Variants in LYPLA1 observed in about 807,000 individuals in gnomAD.
LYPLA1 encodes the protein lysophospholipase 1.
In LYPLA1, 17 loss-of-function variants were observed where a neutral mutation model predicts 34.0. The observed-to-expected ratio is 0.50, with a 90% CI of 0.34 to 0.75. The LOEUF is 0.75. LYPLA1 is among the 30% of genes least tolerant of loss of function. LYPLA1 has a pLI of 0.01. For synonymous variants in LYPLA1, 98 were observed against 100.8 expected, an observed-to-expected ratio of 0.97 and a Z score of 0.17; for missense variants, 203 against 288.8, an observed-to-expected ratio of 0.70 and a Z score of 2.15.
chr8:54,095,596 C>T (rs547592755), intron 2 of LYPLA1, among the ~76,000 whole-genome samples: 15 of 152,226 alleles, frequency 9.9e-5, no homozygotes, highest in African/African-American at 3.4e-4. Flanking sequence ...TAAAACACAT[C>T]AGTAACAACA....
intron 3 of LYPLA1, among the ~76,000 whole-genome samples, chr8:54,064,415 T>G (rs918189348): frequency 6.6e-6 from 1 of 151,222 alleles, no homozygotes; most frequent in African/African-American, 2.4e-5. Context: ...AGACTCCATC[T>G]CAAAAAAAAA....
At chr8:54,043,750 G>A (rs199543637), downstream of LYPLA1, among the ~76,000 whole-genome samples, 128 of 151,822 alleles carry the variant, frequency 8.4e-4, no homozygotes, top group Non-Finnish European at 1.5e-3. Flanking sequence ...TGGTAGAGAC[G>A]GGGTTTCACC....
chr8:54,091,193 A>G lies in LYPLA1; in HGVS notation c.101+9715T>C, dbSNP rs182062359. 7.7e-4 allele frequency among the ~76,000 whole-genome samples: 117 copies of G among 152,244 alleles called. 1 individual carries two copies. The East Asian group carries it at 0.018, about 23-fold the overall frequency. ...CTCCAACCTCCATTCTACATAAGAAATACTAAGAACCAGGCAGGGCATGGT... is the reference window on the plus strand; with the variant it reads ...CTCCAACCTCCATTCTACATAAGAAGTACTAAGAACCAGGCAGGGCATGGT... On this transcript the variant is annotated intron_variant, in intron 2 of 8. Coordinates refer to ENST00000316963, the MANE Select transcript of LYPLA1 (RefSeq NM_006330.4).
chr8:54,091,601 G>GAAGGAAGGAAGGAAGGAAGGAAGT (rs1809286275), intron 2 of LYPLA1, among the ~76,000 whole-genome samples: 2 of 148,332 alleles, frequency 1.3e-5, no homozygotes, highest in Admixed American at 1.3e-4. Context: ...AGGAAGGAAG[G>GAAGGAAGGAAGGAAGGAAGGAAGT]AAGGAAGGAA....
At position 54,093,013 on chromosome 8, in the gene LYPLA1, A is replaced by C. The variant is rs1287715738; in HGVS notation, c.101+7895T>G. 2.6e-5 allele frequency among the ~76,000 whole-genome samples: 4 copies of C among 152,206 alleles called. 1 individual carries two copies. Among genetic ancestry groups the C allele is most frequent in the Admixed American group, 2.6e-4 (4 of 15,288 alleles). On this transcript the variant is annotated intron_variant, in intron 2 of 8. Coordinates refer to ENST00000316963, the MANE Select transcript of LYPLA1 (RefSeq NM_006330.4). ...TCTTATGAACTCTCCTATCAGTCCC[A>C]ATCAGTCTTACCAACTAACTAGACA...
chr8:54,101,237 C>G, intron 1 of LYPLA1: 1 of 682,780 alleles, frequency 1.5e-6, no homozygotes, highest in South Asian at 3.6e-5. Flanking sequence ...CAAGTGAAAT[C>G]AGGAACATCT....
intron 7 of LYPLA1, among the ~76,000 whole-genome samples, chr8:54,051,985 G>T (rs1467614999): frequency 6.6e-6 from 1 of 151,572 alleles, no homozygotes; most frequent in Non-Finnish European, 1.5e-5. Flanking sequence ...TGAGTAGCTG[G>T]GATTATAGGT....
chr8:54,101,704 A>G (rs1292268249), intron 1 of LYPLA1, 51 bp downstream of exon 1: 1 of 1,249,416 alleles, frequency 8.0e-7, no homozygotes, highest in Non-Finnish European at 1.0e-6. Flanking sequence ...AGGGGCAACC[A>G]CCGGTGGCCG....
intron 1 of LYPLA1, 200 bp downstream of exon 1, chr8:54,101,555 G>A: frequency 8.7e-7 from 1 of 1,147,736 alleles, no homozygotes; most frequent in Non-Finnish European, 1.1e-6. Context: ...CTGGGGACTG[G>A]CCCTCGCGCC....
At chr8:54,083,797 G>A (rs1194408218) in intron 2 of LYPLA1, among the ~76,000 whole-genome samples, 1 of 152,110 alleles carries the variant, frequency 6.6e-6, no homozygotes, top group African/African-American at 2.4e-5. Context: ...TGCAGCAAAG[G>A]CAATGCTCAA....
chr8:54,090,871 A>G (rs897136414), intron 2 of LYPLA1, among the ~76,000 whole-genome samples: 8 of 152,026 alleles, frequency 5.3e-5, no homozygotes, highest in African/African-American at 1.9e-4. Context: ...ATTTGATCTG[A>G]CAGTTTTATA....
At chr8:54,101,500 C>A in intron 1 of LYPLA1, 1 of 1,124,990 alleles carries the variant, frequency 8.9e-7, no homozygotes, top group Non-Finnish European at 1.1e-6. Flanking sequence ...TAGGCCGGCC[C>A]GCGGGGGTCC....
At chr8:54,061,450 C>T (rs981629863) in intron 5 of LYPLA1, among the ~76,000 whole-genome samples, 9 of 152,148 alleles carry the variant, frequency 5.9e-5, no homozygotes, top group Non-Finnish European at 1.3e-4. Flanking sequence ...AATTATTATA[C>T]GTCTGACAGA....
intron 2 of LYPLA1, among the ~76,000 whole-genome samples, chr8:54,086,202 C>T (rs1392958239): frequency 1.3e-5 from 2 of 151,804 alleles, no homozygotes; most frequent in African/African-American, 2.4e-5. Context: ...GCAAGATGTG[C>T]TTTGTTAAAC....
At chr8:54,081,686 A>G (rs1011534360) in intron 2 of LYPLA1, among the ~76,000 whole-genome samples, 9 of 150,518 alleles carry the variant, frequency 6.0e-5, no homozygotes, top group Admixed American at 5.9e-4. Context: ...AAGTGCTGGG[A>G]TTACAGGCGT....
chr8:54,081,120 T>C (rs1359245165), intron 2 of LYPLA1, among the ~76,000 whole-genome samples: 1 of 152,212 alleles, frequency 6.6e-6, no homozygotes, highest in Non-Finnish European at 1.5e-5. Context: ...CACTAGTTTC[T>C]ACCCCTGTCT....
intron 2 of LYPLA1, among the ~76,000 whole-genome samples, chr8:54,071,446 T>TA (rs1368369163): frequency 6.6e-6 from 1 of 151,936 alleles, no homozygotes; most frequent in Non-Finnish European, 1.5e-5. Flanking sequence ...TCTCAAGAGT[T>TA]AAAAAAAGAC....
intron 3 of LYPLA1, among the ~76,000 whole-genome samples, chr8:54,064,342 G>A (rs764572971): frequency 2.6e-5 from 4 of 152,178 alleles, no homozygotes; most frequent in South Asian, 2.1e-4. Context: ...GCATGAACCC[G>A]GGAGGCAGAG....
intron 2 of LYPLA1, among the ~76,000 whole-genome samples, chr8:54,074,044 G>A (rs1214526286): frequency 6.6e-6 from 1 of 152,198 alleles, no homozygotes; most frequent in Non-Finnish European, 1.5e-5. Context: ...GGGAGGCCGA[G>A]GTGGGCGGAT....
Sources: gnomAD v4.1 joint callset for allele counts (sites outside exome capture counted in the v4.1 genomes callset) on GRCh38, gnomAD v4.1.1 for gene constraint, MANE v1.5 for transcripts, NCBI Gene and HGNC (gene_info 2026-07-23, HGNC 2026-07-21) for gene names.